NAA35: variants seen among roughly 807,000 people sequenced by gnomAD.
NAA35 encodes MAK10 homolog, amino-acid N-acetyltransferase subunit.
Under a neutral mutation model 101.7 loss-of-function variants are expected in NAA35, and 18 were observed. That is an observed-to-expected ratio of 0.18 (90% CI 0.12 to 0.26). The LOEUF is 0.26. Among genes scored for constraint, NAA35 ranks in the 10% least tolerant of loss-of-function variants. NAA35 has a pLI of 1.00. For synonymous variants in NAA35, 267 were observed against 273.1 expected, an observed-to-expected ratio of 0.98 and a Z score of 0.22; for missense variants, 601 against 886.8, an observed-to-expected ratio of 0.68 and a Z score of 4.09.
chr9:86,014,101 T>C (rs1005489910), intron 17 of NAA35, among the ~76,000 whole-genome samples: 2 of 152,256 alleles, frequency 1.3e-5, no homozygotes, highest in Admixed American at 1.3e-4. Flanking sequence ...TCCAAATGTT[T>C]ATGTAAAAAT....
intron 2 of NAA35, among the ~76,000 whole-genome samples, chr9:85,943,343 A>G (rs1828606693): frequency 6.6e-6 from 1 of 152,140 alleles, no homozygotes; most frequent in African/African-American, 2.4e-5. Flanking sequence ...AGATAAAAGT[A>G]TATTTCTAAG....
At chr9:85,979,811 A>T (rs1047044226) in intron 11 of NAA35, among the ~76,000 whole-genome samples, 1 of 152,130 alleles carries the variant, frequency 6.6e-6, no homozygotes, top group Non-Finnish European at 1.5e-5. Context: ...CACCAGCTGG[A>T]TGCCCTCTAA....
chr9:85,975,003 G>T lies in NAA35; in HGVS notation c.553G>T (p.Ala185Ser), dbSNP rs1253824838. Residue 185 changes from alanine to serine, a missense_variant, in exon 7 of 23, where the codon GCT becomes TCT. Transcript: ENST00000361671. ...FQSMTYGFKMANSVTDLRVTG... is the reference protein window; with the variant it reads ...FQSMTYGFKMSNSVTDLRVTG... ...GTCAATGACTTATGGATTTAAAATG[G>T]CTAACAGTGTGACAGATCTTCGAGT... 3.7e-6 allele frequency: 6 copies of T among 1,612,778 alleles called. No individual in the cohort carries two copies. The highest frequency in any genetic ancestry group is 5.1e-6 in the Non-Finnish European group (6 of 1,179,242).
intron 11 of NAA35, among the ~76,000 whole-genome samples, chr9:85,993,896 C>T (rs542177773): frequency 1.3e-5 from 2 of 152,204 alleles, no homozygotes; most frequent in African/African-American, 4.8e-5. Flanking sequence ...ACAGCCTCAT[C>T]GTCCTGTACT....
intron 11 of NAA35, among the ~76,000 whole-genome samples, chr9:85,980,401 G>T (rs1830389061): frequency 6.6e-6 from 1 of 152,074 alleles, no homozygotes; most frequent in Non-Finnish European, 1.5e-5. Context: ...CTGTCTTTTT[G>T]GTTATCTGCC....
At chr9:85,965,526 G>C (rs1829706062) in intron 6 of NAA35, among the ~76,000 whole-genome samples, 1 of 152,140 alleles carries the variant, frequency 6.6e-6, no homozygotes. Context: ...TACTAGAGAG[G>C]CTGAGGTTGG....
rs1302603829 is a variant in NAA35, at chr9:86,017,552, C to G, written c.1760C>G (p.Ala587Gly). ...AGCCAAGCATATCAGAACATGTGTG[C>G]TGGAATGTTTAAAGTAAGTTGTTGA... is the stretch of plus-strand genomic sequence containing the variant. ...TMSQAYQNMC[A>G]GMFKTMVAFD... is the part of the protein sequence containing the mutation. The change falls in exon 19 of 23, where the codon GCT becomes GGT. Residue 587 changes from alanine to glycine, a missense_variant. Physicochemically the swap from Ala to Gly is moderately conservative, Grantham distance 60 (BLOSUM62 0). Coordinates refer to ENST00000361671, the MANE Select transcript of NAA35 (RefSeq NM_024635.4). 6.2e-7 allele frequency: 1 copy of G among 1,613,210 alleles called. No homozygotes were observed. Among genetic ancestry groups the G allele is most frequent in the Non-Finnish European group, 8.5e-7 (1 of 1,179,474 alleles).
intron 17 of NAA35, among the ~76,000 whole-genome samples, chr9:86,016,113 T>C (rs1319330837): frequency 6.6e-6 from 1 of 151,008 alleles, no homozygotes. Context: ...ATGTTCTGTT[T>C]TATATTTCAT....
chr9:85,974,828 G>C (rs1587602430), intron 6 of NAA35, 139 bp from the exon 7 acceptor site: 2 of 623,580 alleles, frequency 3.2e-6, no homozygotes, highest in East Asian at 5.6e-5. Context: ...GCAATATTTA[G>C]ACAAGCAGGA....
chr9:85,943,241 C>T (rs1017545052), intron 2 of NAA35, among the ~76,000 whole-genome samples: 13 of 151,812 alleles, frequency 8.6e-5, no homozygotes, highest in Non-Finnish European at 1.8e-4. Context: ...AGAGCTTGAA[C>T]GTTAAAGAGA....
chr9:86,015,580 G>T, intron 17 of NAA35: 1 of 312,246 alleles, frequency 3.2e-6, no homozygotes, highest in Non-Finnish European at 4.7e-6. Flanking sequence ...CGAATAATTT[G>T]CATTTCTAAC....
chr9:85,991,219 G>T (rs1182144383), intron 11 of NAA35, among the ~76,000 whole-genome samples: 1 of 152,038 alleles, frequency 6.6e-6, no homozygotes, highest in South Asian at 2.1e-4. Flanking sequence ...GTAGAGAGAG[G>T]CATGGGGTGT....
At chr9:85,993,100 T>G (rs1311325456) in intron 11 of NAA35, among the ~76,000 whole-genome samples, 2 of 152,168 alleles carry the variant, frequency 1.3e-5, no homozygotes, top group Non-Finnish European at 2.9e-5. Context: ...CTTGGAAACA[T>G]TATGTTGAGC....
Position 86,024,375 on chromosome 9 carries a change from CA to C in NAA35, c.*2419del, listed in dbSNP as rs1367900680. 2.0e-5 allele frequency among the ~76,000 whole-genome samples: 3 copies of C among 152,082 alleles called. No individual in the cohort carries two copies. Among genetic ancestry groups the C allele is most frequent in the African/African-American group, 7.2e-5 (3 of 41,398 alleles). ...TGAGAGGCAAGGAGAAGCCGATACC[CA>C]AAACCCTGGGAGGCCACAGGTTAAA... On this transcript the variant is annotated 3_prime_UTR_variant, in exon 23 of 23. Transcript: ENST00000361671.
chr9:85,963,880 GTGT>G (rs1233939742), intron 6 of NAA35, among the ~76,000 whole-genome samples: 3 of 152,166 alleles, frequency 2.0e-5, no homozygotes, highest in Non-Finnish European at 4.4e-5. Context: ...TAGCTGAAAT[GTGT>G]TAAGTATAAA....
At chr9:85,955,655 G>GC (rs1439971069) in intron 2 of NAA35, among the ~76,000 whole-genome samples, 2 of 152,030 alleles carry the variant, frequency 1.3e-5, no homozygotes, top group Non-Finnish European at 2.9e-5. Flanking sequence ...GAGCCACCTG[G>GC]CCCGGCTGCC....
At chr9:86,001,462 C>T (rs1038501468) in intron 12 of NAA35, among the ~76,000 whole-genome samples, 4 of 151,984 alleles carry the variant, frequency 2.6e-5, no homozygotes, top group African/African-American at 9.7e-5. Flanking sequence ...CTCGATGATC[C>T]ATCTAATACT....
At position 86,013,221 on chromosome 9, in the gene NAA35, A is replaced by G. The variant is rs1454676850; in HGVS notation, c.1389+77A>G. The G allele has an allele frequency of 1.5e-5, 13 of 871,366 alleles. No homozygotes were observed. In the African/African-American group the frequency reaches 1.7e-4, roughly 11 times the overall value. 54.0% of individuals were successfully genotyped at this position (871,366 alleles called of 1,614,324 possible). ...TCCAGATTTTTAAAAACAATAATTC[A>G]GAACAATATTTTGACTAATTTTTCA... On this transcript the variant is annotated intron_variant, in intron 16 of 22. Transcript: ENST00000361671.
At chr9:85,957,775 G>T (rs1829338667) in intron 3 of NAA35, among the ~76,000 whole-genome samples, 1 of 152,078 alleles carries the variant, frequency 6.6e-6, no homozygotes, top group South Asian at 2.1e-4. Context: ...GACAAGATTG[G>T]ACATTGTGGT....
Sources: allele counts gnomAD v4.1 joint callset (sites outside exome capture counted in the v4.1 genomes callset), GRCh38; gene constraint gnomAD v4.1.1; transcripts MANE v1.5; gene names NCBI Gene and HGNC (gene_info 2026-07-23, HGNC 2026-07-21).